The following GPHN variants were observed in gnomAD, a reference collection of about 807,000 sequenced individuals.
GPHN encodes the protein gephyrin.
A neutral mutation model predicts 95.5 loss-of-function variants in GPHN; 17 were observed. That is an observed-to-expected ratio of 0.18 (90% CI 0.12 to 0.27). The LOEUF is 0.27. Ranked by LOEUF, GPHN falls within the 10% of genes least tolerant of loss-of-function variation. The pLI is 1.00. For synonymous variants in GPHN, 320 were observed against 322.5 expected (o/e 0.99, Z 0.08); for missense variants, 660 against 978.1 (o/e 0.67, Z 4.34).
At chr14:67,290,721 G>A in the GPHN span, among the ~76,000 whole-genome samples, 5 of 151,944 alleles carry the variant, frequency 3.3e-5, no homozygotes, top group African/African-American at 1.2e-4. Context: ...TTTTAGTAGA[G>A]ACAGGGCTTC....
At chr14:67,308,070 G>A in the GPHN span, among the ~76,000 whole-genome samples, 13 of 152,104 alleles carry the variant, frequency 8.5e-5, no homozygotes, top group African/African-American at 3.1e-4. Context: ...ACACACTAGG[G>A]TCTTTCAGAG....
chr14:66,599,380 A>ATT (rs142321214), intron 1 of GPHN, among the ~76,000 whole-genome samples: 28,103 of 109,080 alleles, frequency 0.26, 5,656 homozygotes, highest in African/African-American at 0.59. Flanking sequence ...CTGATTTTAC[A>ATT]TTTTTTTTTG....
chr14:67,190,944 T>C, the GPHN span, among the ~76,000 whole-genome samples: 2 of 152,222 alleles, frequency 1.3e-5, no homozygotes, highest in Non-Finnish European at 2.9e-5. Flanking sequence ...ATTTAAGAGC[T>C]ATCATGTAGC....
chr14:67,657,657 T>C, the GPHN span, among the ~76,000 whole-genome samples: 2 of 151,170 alleles, frequency 1.3e-5, no homozygotes, highest in South Asian at 2.1e-4. Context: ...CACAGAGGCC[T>C]AGTACAGAGC....
At chr14:66,995,744 A>G (rs1426472445) in intron 9 of GPHN, among the ~76,000 whole-genome samples, 1 of 152,210 alleles carries the variant, frequency 6.6e-6, no homozygotes, top group Non-Finnish European at 1.5e-5. Context: ...GGAAAAAAGA[A>G]TCAGAATACT....
At chr14:67,659,323 C>T in the GPHN span, among the ~76,000 whole-genome samples, 48 of 152,114 alleles carry the variant, frequency 3.2e-4, no homozygotes, top group Admixed American at 3.3e-4. Context: ...AGAAACCTAA[C>T]TGAATTTTCC....
chr14:67,487,720 G>C, the GPHN span, among the ~76,000 whole-genome samples: 6 of 151,900 alleles, frequency 3.9e-5, no homozygotes, highest in Non-Finnish European at 8.8e-5. Context: ...TATGGTTGAG[G>C]CCCTTCCTAT....
At chr14:67,209,906 T>G in the GPHN span, among the ~76,000 whole-genome samples, 159 of 150,932 alleles carry the variant, frequency 1.1e-3, no homozygotes, top group African/African-American at 3.6e-3. Context: ...AGGGATCCAA[T>G]TAACAAATGA....
intron 2 of GPHN, chr14:66,760,737 T>C (rs1431547615): frequency 4.3e-6 from 2 of 461,228 alleles, no homozygotes; most frequent in Non-Finnish European, 8.3e-6. Context: ...GATAATTCAT[T>C]TGAATTTGAA....
the GPHN span, among the ~76,000 whole-genome samples, chr14:67,635,057 T>A: frequency 6.6e-6 from 1 of 151,870 alleles, no homozygotes; most frequent in East Asian, 1.9e-4. Flanking sequence ...CCAGCCTCGG[T>A]AAAATGGCGA....
Position 67,130,182 on chromosome 14 carries a change from G to T in GPHN, c.1748+7805G>T, listed in dbSNP as rs370950782. 5.9e-5 allele frequency among the ~76,000 whole-genome samples: 9 copies of T among 152,268 alleles called. No individual in the cohort carries two copies. The East Asian group carries it at 1.5e-3, about 26-fold the overall frequency. ...TTGTTACATGGGTATTTTGGGTGATGCTGAGGTTTTGAGAACCAATGATCA... is the reference window on the plus strand; with the variant it reads ...TTGTTACATGGGTATTTTGGGTGATTCTGAGGTTTTGAGAACCAATGATCA... On this transcript the variant is annotated intron_variant, in intron 17 of 22. Transcript: ENST00000478722.
chr14:67,695,803 C>G, the GPHN span: 4 of 1,127,724 alleles, frequency 3.5e-6, no homozygotes, highest in Non-Finnish European at 3.9e-6. Flanking sequence ...TGCGACAGCC[C>G]GGGGAGCAGA....
At chr14:67,057,564 C>T (rs2075651142) in intron 10 of GPHN, among the ~76,000 whole-genome samples, 1 of 152,064 alleles carries the variant, frequency 6.6e-6, no homozygotes, top group Non-Finnish European at 1.5e-5. Flanking sequence ...ACCTGCACAT[C>T]CTGCACATGT....
intron 3 of GPHN, among the ~76,000 whole-genome samples, chr14:66,810,670 A>G (rs1179420817): frequency 2.6e-5 from 4 of 152,194 alleles, no homozygotes; most frequent in Admixed American, 2.6e-4. Flanking sequence ...CTTTGCTTTC[A>G]TAATAGTTTT....
chr14:67,414,247 G>T, the GPHN span, among the ~76,000 whole-genome samples: 1 of 152,220 alleles, frequency 6.6e-6, no homozygotes, highest in Non-Finnish European at 1.5e-5. Context: ...CTGCCAGGAA[G>T]AAGTTAAGGC....
chr14:67,163,588 C>T (rs896185094), intron 19 of GPHN, among the ~76,000 whole-genome samples: 4 of 152,094 alleles, frequency 2.6e-5, no homozygotes, highest in Non-Finnish European at 5.9e-5. Context: ...CACTGTATTA[C>T]AGCAGAGTAG....
the GPHN span, among the ~76,000 whole-genome samples, chr14:67,403,394 T>A: frequency 6.6e-6 from 1 of 152,240 alleles, no homozygotes; most frequent in Non-Finnish European, 1.5e-5. Context: ...TCAGCAGTGA[T>A]GCTTCTAATA....
intron 1 of GPHN, among the ~76,000 whole-genome samples, chr14:66,557,899 C>A (rs1045307220): frequency 3.9e-5 from 6 of 152,198 alleles, no homozygotes; most frequent in East Asian, 1.9e-4. Context: ...ATTATGATAA[C>A]CTTCTTGCCC....
At chr14:67,485,702 C>T in the GPHN span, among the ~76,000 whole-genome samples, 2 of 152,202 alleles carry the variant, frequency 1.3e-5, no homozygotes, top group African/African-American at 4.8e-5. Flanking sequence ...GGAAAGCAGC[C>T]AATTGTCATT....
Sources: gnomAD v4.1 joint callset for allele counts (sites outside exome capture counted in the v4.1 genomes callset) on GRCh38, gnomAD v4.1.1 for gene constraint, MANE v1.5 for transcripts, NCBI Gene and HGNC (gene_info 2026-07-23, HGNC 2026-07-21) for gene names.